The following RALYL variants were observed in gnomAD, a reference collection of about 807,000 sequenced individuals.
RALYL encodes the protein RNA-binding Raly-like protein.
RALYL carries 29 observed loss-of-function variants against 35.1 expected under a neutral mutation model. The ratio of observed to expected loss-of-function variants is 0.83; its 90% CI spans 0.61 to 1.13. The LOEUF (loss-of-function observed/expected upper bound fraction) is 1.13. Ranked by LOEUF, RALYL falls within the 50% of genes most tolerant of loss-of-function variation. RALYL has a pLI of 0.00. For missense variants in RALYL, 359 were observed against 360.4 expected (o/e 1.00, Z 0.03); for synonymous variants, 120 against 127.6 (o/e 0.94, Z 0.40).
Position 84,900,693 on chromosome 8 carries a change from T to A in RALYL, c.858+12917T>A, listed in dbSNP as rs946443778. Among the ~76,000 whole-genome samples the A allele has an allele frequency of 5.3e-5, 8 of 151,682 alleles. 1 individual carries two copies. Among genetic ancestry groups the A allele is most frequent in the Non-Finnish European group, 7.4e-5 (5 of 67,882 alleles). ...AAAGTTTGTCTTAAAAAAAAAAAAA[T>A]TCTCCCTATCAATATAGTAGGAAAA... On this transcript the variant is annotated intron_variant, in intron 8 of 8. Coordinates refer to ENST00000521268, the MANE Select transcript of RALYL (RefSeq NM_173848.7).
At chr8:84,822,880 ATTG>A (rs2134254715) in intron 4 of RALYL, among the ~76,000 whole-genome samples, 1 of 152,200 alleles carries the variant, frequency 6.6e-6, no homozygotes, top group African/African-American at 2.4e-5. Flanking sequence ...CAGTATCTTT[ATTG>A]TTATTTTTGA....
chr8:84,909,861 A>G (rs1847203856), intron 8 of RALYL, among the ~76,000 whole-genome samples: 1 of 152,278 alleles, frequency 6.6e-6, no homozygotes, highest in Admixed American at 6.5e-5. Flanking sequence ...TCTTACTGCC[A>G]AGGAAAAAGC....
chr8:84,742,628 G>C (rs1807641734), intron 2 of RALYL, among the ~76,000 whole-genome samples: 1 of 152,016 alleles, frequency 6.6e-6, no homozygotes, highest in Non-Finnish European at 1.5e-5. Context: ...GAAACTGGGA[G>C]GGGTGGAGAC....
intron 1 of RALYL, among the ~76,000 whole-genome samples, chr8:84,406,356 T>C (rs1000388396): frequency 6.6e-6 from 1 of 152,130 alleles, no homozygotes; most frequent in African/African-American, 2.4e-5. Flanking sequence ...AGTCCAGTTA[T>C]ATTGCCTCTT....
At chr8:84,658,764 A>G (rs112968917) in intron 2 of RALYL, among the ~76,000 whole-genome samples, 254 of 152,202 alleles carry the variant, frequency 1.7e-3, no homozygotes, top group African/African-American at 5.9e-3. Context: ...TGTGGCTAGA[A>G]TTTGTCATAT....
intron 2 of RALYL, chr8:84,679,716 G>T: frequency 1.9e-6 from 1 of 519,322 alleles, no homozygotes; most frequent in Non-Finnish European, 3.9e-6. Flanking sequence ...GACCCTCAAG[G>T]CAATATTAAG....
chr8:84,547,663 G>A (rs371019741), intron 2 of RALYL, among the ~76,000 whole-genome samples: 1 of 148,988 alleles, frequency 6.7e-6, no homozygotes, highest in Non-Finnish European at 1.5e-5. Context: ...ACAGGCATGA[G>A]CCACTGTACT....
intron 3 of RALYL, among the ~76,000 whole-genome samples, chr8:84,787,094 T>C (rs1226435991): frequency 6.6e-6 from 1 of 152,136 alleles, no homozygotes. Context: ...CATGCTATGG[T>C]GGTTTGCTGC....
intron 2 of RALYL, among the ~76,000 whole-genome samples, chr8:84,701,081 C>A (rs1368693586): frequency 6.6e-6 from 1 of 152,010 alleles, no homozygotes; most frequent in Non-Finnish European, 1.5e-5. Flanking sequence ...GAGAAGGGTC[C>A]CACCCATACA....
intron 8 of RALYL, among the ~76,000 whole-genome samples, chr8:84,903,217 C>T (rs991887989): frequency 6.6e-6 from 1 of 152,014 alleles, no homozygotes; most frequent in African/African-American, 2.4e-5. Context: ...TTTGAAATTG[C>T]TGAGAAAAGT....
intron 3 of RALYL, among the ~76,000 whole-genome samples, chr8:84,794,753 C>A (rs1305372853): frequency 6.6e-6 from 1 of 152,164 alleles, no homozygotes; most frequent in Non-Finnish European, 1.5e-5. Flanking sequence ...TTCAATTATC[C>A]TAGGAGAATC....
intron 1 of RALYL, among the ~76,000 whole-genome samples, chr8:84,468,471 C>T (rs1411189782): frequency 6.7e-6 from 1 of 148,212 alleles, no homozygotes; most frequent in Non-Finnish European, 1.5e-5. Context: ...GAACATTGGC[C>T]CCCACTCTCT....
intron 1 of RALYL, among the ~76,000 whole-genome samples, chr8:84,503,787 C>T (rs1362372366): frequency 6.6e-6 from 1 of 150,840 alleles, no homozygotes; most frequent in African/African-American, 2.4e-5. Flanking sequence ...CCTGCTGAGG[C>T]AGGAGAATCG....
chr8:84,747,171 T>C (rs1808796830), intron 2 of RALYL, among the ~76,000 whole-genome samples: 1 of 151,862 alleles, frequency 6.6e-6, no homozygotes, highest in African/African-American at 2.4e-5. Context: ...TAGGAGTATG[T>C]TTAAACAGAA....
At position 84,733,331 on chromosome 8, in the gene RALYL, C is replaced by T. The variant is rs1002170645; in HGVS notation, c.257-41248C>T. 1.8e-4 allele frequency among the ~76,000 whole-genome samples: 28 copies of T among 152,212 alleles called. 2 individuals are homozygous for T. The highest frequency in any genetic ancestry group is 1.6e-3 in the Admixed American group (25 of 15,274). On this transcript the variant is annotated intron_variant, in intron 2 of 8. Transcript: ENST00000521268. ...GATATACTTTCTCATCCACCTGTAC[C>T]ATCTCCAAAATTTCCTTATGCTACC...
At chr8:84,679,583 G>A (rs911174838) in intron 2 of RALYL, 6 of 442,332 alleles carry the variant, frequency 1.4e-5, no homozygotes, top group Non-Finnish European at 2.7e-5. Context: ...AACAAGAAAC[G>A]CCTGCCTTAT....
intron 2 of RALYL, among the ~76,000 whole-genome samples, chr8:84,724,192 G>T (rs1327512705): frequency 1.3e-5 from 2 of 151,682 alleles, no homozygotes; most frequent in Non-Finnish European, 3.0e-5. Flanking sequence ...TAATATTATT[G>T]TCAGTTTCTA....
At chr8:84,275,326 G>T (rs1217464380) in intron 1 of RALYL, among the ~76,000 whole-genome samples, 1 of 151,866 alleles carries the variant, frequency 6.6e-6, no homozygotes. Flanking sequence ...CTGAGAAGTA[G>T]GAATTATACA....
At chr8:84,218,543 G>A (rs1239464874) in intron 1 of RALYL, among the ~76,000 whole-genome samples, 1 of 151,912 alleles carries the variant, frequency 6.6e-6, no homozygotes, top group Non-Finnish European at 1.5e-5. Flanking sequence ...TTACTCTGGT[G>A]CAATATTTTT....
Sources: allele counts gnomAD v4.1 joint callset (sites outside exome capture counted in the v4.1 genomes callset), GRCh38; gene constraint gnomAD v4.1.1; transcripts MANE v1.5; gene names NCBI Gene and HGNC (gene_info 2026-07-23, HGNC 2026-07-21).